DMD: variants seen among roughly 807,000 people sequenced by gnomAD.
DMD encodes the protein mutant dystrophin.
DMD carries 63 observed loss-of-function variants against 330.1 expected under a neutral mutation model. The observed-to-expected ratio is 0.19, with a 90% CI of 0.16 to 0.24. The LOEUF is 0.24. DMD is among the 10% of genes least tolerant of loss of function. The pLI is 1.00. For synonymous variants in DMD, 1,223 were observed against 959.8 expected (o/e 1.27, Z -5.07); for missense variants, 3,344 against 2,684.1 (o/e 1.25, Z -5.43).
rs886043740 is a variant in DMD at position 31,774,148 on chromosome X, T to C, written c.7354A>G (p.Lys2452Glu). The stretch of plus-strand genomic sequence containing the variant: ...TCTAGTTTGGAGATGGCAGTTTCCT[T>C]AGTAACCACAGGTTGTGTCACCAGA... ...VTLVTQPVVT[K>E]ETAISKLEMP... Residue 2452 changes from lysine (K) to glutamate (E), a missense_variant, in exon 51 of 79, where the codon AAG (lysine) becomes GAG (glutamate). Transcript: ENST00000357033. The C allele has an allele frequency of 3.3e-6, 4 of 1,210,811 alleles. No homozygotes were observed. The highest frequency in any genetic ancestry group is 3.5e-5 in the African/African-American group (2 of 57,649).
chrX:32,511,524 G>GGGAAAAAAAAA (rs766801853), intron 18 of DMD, among the ~76,000 whole-genome samples: 2 of 49,791 alleles, frequency 4.0e-5, no homozygotes, highest in African/African-American at 7.8e-5. Context: ...TCCGTCTCGG[G>GGGAAAAAAAAA]AAAAAAAAAA....
At chrX:31,392,272 A>G (rs753244774) in intron 60 of DMD, among the ~76,000 whole-genome samples, 2 of 112,895 alleles carry the variant, frequency 1.8e-5, no homozygotes, top group African/African-American at 6.4e-5. Context: ...GCCAAAGGCT[A>G]AGGATAGCAA....
chrX:31,573,364 T>A (rs1474923744), intron 55 of DMD, among the ~76,000 whole-genome samples: 1 of 111,890 alleles, frequency 8.9e-6, no homozygotes, highest in Non-Finnish European at 1.9e-5. Flanking sequence ...ATATTGGCAA[T>A]CCTATATGGC....
At chrX:33,027,116 T>G (rs1602856816) in intron 1 of DMD, among the ~76,000 whole-genome samples, 1 of 112,338 alleles carries the variant, frequency 8.9e-6, no homozygotes, top group East Asian at 2.8e-4. Context: ...CAAAGTGGAA[T>G]TATTGCAGAT....
intron 9 of DMD, among the ~76,000 whole-genome samples, chrX:32,676,095 G>C (rs1279363983): frequency 9.0e-6 from 1 of 111,717 alleles, no homozygotes; most frequent in Non-Finnish European, 1.9e-5. Context: ...TTAGTTGACA[G>C]AGTTAAAAAT....
intron 9 of DMD, among the ~76,000 whole-genome samples, chrX:32,695,832 A>T (rs756791399): frequency 8.9e-6 from 1 of 112,053 alleles, no homozygotes; most frequent in South Asian, 3.7e-4. Context: ...CATGAGTTTC[A>T]TAAGCTAAAG....
chrX:31,381,022 G>GT (rs2060152772), intron 60 of DMD, among the ~76,000 whole-genome samples: 1 of 111,262 alleles, frequency 9.0e-6, no homozygotes, highest in South Asian at 3.8e-4. Flanking sequence ...AAAACAACAA[G>GT]TTTTTTCCTC....
chrX:31,574,560 T>C, intron 55 of DMD, among the ~76,000 whole-genome samples: 1 of 111,779 alleles, frequency 8.9e-6, no homozygotes, highest in East Asian at 2.8e-4. Flanking sequence ...TGTCCACAAA[T>C]ACCCAGTGCT....
chrX:32,732,224 AAG>A (rs1012514613), intron 7 of DMD, among the ~76,000 whole-genome samples: 16 of 111,259 alleles, frequency 1.4e-4, no homozygotes, highest in Admixed American at 6.7e-4. Flanking sequence ...AAAGAATAAA[AAG>A]AAATGAGCAA....
At chrX:31,867,287 G>C (rs180856509) in intron 48 of DMD, among the ~76,000 whole-genome samples, 51 of 108,596 alleles carry the variant, frequency 4.7e-4, no homozygotes, top group Non-Finnish European at 9.0e-4. Flanking sequence ...TGTTGATTTT[G>C]TATGTCCTTG....
intron 2 of DMD, among the ~76,000 whole-genome samples, chrX:32,930,990 T>TTA (rs1197684101): frequency 9.3e-6 from 1 of 107,909 alleles, no homozygotes; most frequent in Non-Finnish European, 1.9e-5. Context: ...TATACATTTA[T>TTA]TATATATATT....
chrX:31,859,271 A>G (rs752488723), intron 48 of DMD, among the ~76,000 whole-genome samples: 1 of 111,903 alleles, frequency 8.9e-6, no homozygotes, highest in South Asian at 3.8e-4. Flanking sequence ...AAGACTGGTC[A>G]TTATCCATGA....
At chrX:32,830,526 A>G (rs905999702) in intron 4 of DMD, among the ~76,000 whole-genome samples, 1 of 111,861 alleles carries the variant, frequency 8.9e-6, no homozygotes, top group African/African-American at 3.2e-5. Context: ...GAAATTAAAT[A>G]GTAGGGTCAC....
intron 44 of DMD, among the ~76,000 whole-genome samples, chrX:32,149,598 T>C (rs1316729777): frequency 1.8e-5 from 2 of 111,838 alleles, no homozygotes; most frequent in African/African-American, 6.5e-5. Context: ...GGTAAGTGTT[T>C]GCTGACTAAA....
At chrX:32,175,205 G>A (rs1162796655) in intron 44 of DMD, among the ~76,000 whole-genome samples, 2 of 111,018 alleles carry the variant, frequency 1.8e-5, no homozygotes, top group Non-Finnish European at 3.8e-5. Flanking sequence ...GGTCGAGTGG[G>A]GACTTGGGGA....
At chrX:32,659,973 G>A (rs1317322066) in intron 9 of DMD, among the ~76,000 whole-genome samples, 1 of 110,555 alleles carries the variant, frequency 9.0e-6, no homozygotes, top group Non-Finnish European at 1.9e-5. Context: ...TCCACCCTCT[G>A]CCTCAAGGAA....
chrX:32,522,316 A>G (rs1431911855), intron 17 of DMD, among the ~76,000 whole-genome samples: 1 of 111,802 alleles, frequency 8.9e-6, no homozygotes, highest in Non-Finnish European at 1.9e-5. Flanking sequence ...GTATTTATGG[A>G]ACTCTCTCTT....
intron 1 of DMD, among the ~76,000 whole-genome samples, chrX:33,073,814 G>A (rs374940558): frequency 1.2e-3 from 122 of 103,576 alleles, no homozygotes; most frequent in African/African-American, 4.1e-3. Flanking sequence ...CCTGGACAAC[G>A]AGAGCAAAAC....
At position 32,365,078 on chromosome X, in the gene DMD, A is replaced by T. The variant is rs1239016104; in HGVS notation, c.4967T>A (p.Leu1656Gln). The T allele has an allele frequency of 4.1e-6, 5 of 1,208,794 alleles. No individual in the cohort carries two copies. Among genetic ancestry groups the T allele is most frequent in the Non-Finnish European group, 5.6e-6 (5 of 894,875 alleles). Residue 1656 changes from leucine to glutamine, a missense_variant, in exon 35 of 79, where the codon CTG becomes CAG. Physicochemically the swap from Leu to Gln is moderately radical, Grantham distance 113. Transcript: ENST00000357033. ...ETLVEDKLSL[L>Q]NSNWIAVTSR... The stretch of plus-strand genomic sequence containing the variant: ...GGTGACAGCTATCCAGTTACTATTC[A>T]GAAGACTGAGTTTATCTTCCACCAA...
Sources: allele counts gnomAD v4.1 joint callset (sites outside exome capture counted in the v4.1 genomes callset), GRCh38; gene constraint gnomAD v4.1.1; transcripts MANE v1.5; gene names NCBI Gene and HGNC (gene_info 2026-07-23, HGNC 2026-07-21).